Variants in OSBPL10 observed in about 807,000 individuals in gnomAD.
OSBPL10 encodes oxysterol binding protein like 10.
In OSBPL10, 49 loss-of-function variants were observed where a neutral mutation model predicts 81.7. That is an observed-to-expected ratio of 0.60 (90% confidence interval 0.48 to 0.76). The LOEUF (loss-of-function observed/expected upper bound fraction) is 0.76, where lower values mean the gene tolerates loss of function less well. Among genes scored for constraint, OSBPL10 ranks in the 30% least tolerant of loss-of-function variants. The probability of loss-of-function intolerance (pLI) is 0.00; values close to 1 mark genes in which losing one functional copy is unlikely to be tolerated. For missense variants in OSBPL10, 923 were observed against 987.8 expected (o/e 0.93, Z 0.88); for synonymous variants, 419 against 383.6 (o/e 1.09, Z -1.08).
At chr3:32,020,599 C>T (rs939016685) in intron 2 of OSBPL10, among the ~76,000 whole-genome samples, 9 of 151,776 alleles carry the variant, frequency 5.9e-5, no homozygotes, top group African/African-American at 2.2e-4. Context: ...TGAGTAATTG[C>T]GTACAAGTCT....
At chr3:31,662,593 A>C (rs1482443221) in intron 11 of OSBPL10, 1 of 995,388 alleles carries the variant, frequency 1.0e-6, no homozygotes, top group Non-Finnish European at 1.2e-6. Context: ...ATATCAAGTG[A>C]GAAAAAGGCA....
chr3:31,762,630 A>ATTTTTTTGTTTTTTTTT (rs1698080971), intron 4 of OSBPL10, among the ~76,000 whole-genome samples: 1 of 61,514 alleles, frequency 1.6e-5, no homozygotes, highest in Non-Finnish European at 2.7e-5. Flanking sequence ...CATGCCCAGC[A>ATTTTTTTGTTTTTTTTT]TTTTTTTTTT....
intron 1 of OSBPL10, among the ~76,000 whole-genome samples, chr3:31,916,938 T>C (rs1696772848): frequency 6.6e-6 from 1 of 152,250 alleles, no homozygotes; most frequent in Admixed American, 6.5e-5. Context: ...TATTAAGATA[T>C]GCAGACTAAA....
intron 4 of OSBPL10, among the ~76,000 whole-genome samples, chr3:31,811,513 A>G (rs1286254593): frequency 2.0e-5 from 3 of 152,226 alleles, no homozygotes; most frequent in South Asian, 2.1e-4. Flanking sequence ...CCTCAAAGAA[A>G]GGAGTGTTGA....
intron 1 of OSBPL10, among the ~76,000 whole-genome samples, chr3:31,915,925 C>A (rs1284967709): frequency 2.6e-5 from 4 of 151,796 alleles, no homozygotes; most frequent in African/African-American, 9.7e-5. Flanking sequence ...GAAACCCCGT[C>A]TCTACTAAAA....
chr3:31,850,258 C>T (rs1402042424), intron 3 of OSBPL10, among the ~76,000 whole-genome samples: 1 of 152,050 alleles, frequency 6.6e-6, no homozygotes, highest in African/African-American at 2.4e-5. Flanking sequence ...CTCTTAAGCC[C>T]AGGAGTTTGA....
chr3:31,762,159 T>C (rs1178056395), intron 4 of OSBPL10, among the ~76,000 whole-genome samples: 1 of 152,166 alleles, frequency 6.6e-6, no homozygotes, highest in Non-Finnish European at 1.5e-5. Flanking sequence ...TAGAAGCCTC[T>C]TCCCACCTTC....
chr3:31,717,736 A>G lies in OSBPL10; in HGVS notation c.1096-15228T>C, dbSNP rs769608815. On this transcript the variant is annotated intron_variant, in intron 6 of 11. Coordinates refer to ENST00000396556, the MANE Select transcript of OSBPL10 (RefSeq NM_017784.5). ...CCCTGTACTTTTACTCAAATGTGAA[A>G]TGATACTCAGGATGTAAGAGGGTAA... Among the ~76,000 whole-genome samples the G allele has an allele frequency of 2.0e-5, 3 of 152,236 alleles. No individual in the cohort carries two copies. The South Asian group carries it at 6.2e-4, about 31-fold the overall frequency.
intron 3 of OSBPL10, among the ~76,000 whole-genome samples, chr3:31,866,590 G>A (rs188583421): frequency 6.6e-6 from 1 of 152,288 alleles, no homozygotes; most frequent in East Asian, 1.9e-4. Flanking sequence ...GCCCCTACAT[G>A]CTTGGGGAGT....
intron 1 of OSBPL10, among the ~76,000 whole-genome samples, chr3:31,931,287 C>T (rs34506935): frequency 0.13 from 19,176 of 152,106 alleles, 1,509 homozygotes; most frequent in Non-Finnish European, 0.18. Flanking sequence ...ACACTCCCCA[C>T]TCTCCACCCC....
intron 2 of OSBPL10, 173 bp downstream of exon 2, chr3:31,879,482 C>T: frequency 1.6e-6 from 1 of 624,362 alleles, no homozygotes; most frequent in East Asian, 3.0e-5. Context: ...TTCCTAATGT[C>T]AGCTCCATCT....
At chr3:31,687,923 T>TAATAATAATAATAAG (rs1559416403) in intron 7 of OSBPL10, among the ~76,000 whole-genome samples, 1 of 140,638 alleles carries the variant, frequency 7.1e-6, no homozygotes, top group African/African-American at 2.6e-5. Flanking sequence ...ATAATAATAA[T>TAATAATAATAATAAG]AATTTTTTTA....
In OSBPL10 at chr3:31,702,274, C is replaced by T. The variant is rs537480395; in HGVS notation, c.1245+85G>A. 1.9e-4 allele frequency: 287 copies of T among 1,479,678 alleles called. No homozygotes were observed. The African/African-American group carries it at 3.1e-3, about 16-fold the overall frequency. 91.7% of individuals were successfully genotyped at this position (1,479,678 alleles called of 1,614,324 possible). A position where few individuals can be genotyped will look rare whatever the true frequency, so the allele number is the denominator to read the frequency against. ...CTCTTCTTCTCCAATCTCACCACAACGAAAAGAATGTGCATAGAGAAGGCT... is the reference window on the plus strand; with the variant it reads ...CTCTTCTTCTCCAATCTCACCACAATGAAAAGAATGTGCATAGAGAAGGCT... On this transcript the variant is annotated intron_variant, in intron 7 of 11. Coordinates refer to ENST00000396556, the MANE Select transcript of OSBPL10 (RefSeq NM_017784.5).
intron 1 of OSBPL10, among the ~76,000 whole-genome samples, chr3:31,886,979 C>T (rs1322340097): frequency 6.6e-6 from 1 of 151,946 alleles, no homozygotes; most frequent in African/African-American, 2.4e-5. Flanking sequence ...GGGATAGTTA[C>T]TACCTGACTC....
intron 1 of OSBPL10, among the ~76,000 whole-genome samples, chr3:32,070,316 T>G (rs1450596728): frequency 2.6e-5 from 4 of 152,154 alleles, no homozygotes; most frequent in African/African-American, 9.7e-5. Flanking sequence ...CAACATTCTT[T>G]TATGCACTCT....
chr3:32,057,434 C>T (rs1022994236), intron 1 of OSBPL10, among the ~76,000 whole-genome samples: 5 of 152,088 alleles, frequency 3.3e-5, no homozygotes, highest in African/African-American at 1.2e-4. Flanking sequence ...TTGCCTGAGA[C>T]TGGGTAATTT....
At chr3:31,753,514 C>T (rs187922367) in intron 4 of OSBPL10, among the ~76,000 whole-genome samples, 136 of 152,212 alleles carry the variant, frequency 8.9e-4, no homozygotes, top group Non-Finnish European at 6.8e-4. Context: ...CAAAACCACA[C>T]ACACACACAA....
intron 4 of OSBPL10, among the ~76,000 whole-genome samples, chr3:31,793,455 G>A (rs963852052): frequency 3.3e-5 from 5 of 152,230 alleles, no homozygotes; most frequent in Admixed American, 1.3e-4. Flanking sequence ...GTAAGTGTCT[G>A]ATAATGTAAC....
At chr3:31,916,806 T>A (rs1457743382) in intron 1 of OSBPL10, among the ~76,000 whole-genome samples, 2 of 152,248 alleles carry the variant, frequency 1.3e-5, no homozygotes, top group Non-Finnish European at 2.9e-5. Context: ...GGTTTTAACA[T>A]TCTTGCCAAA....
Sources: gnomAD v4.1 joint callset for allele counts (sites outside exome capture counted in the v4.1 genomes callset) on GRCh38, gnomAD v4.1.1 for gene constraint, MANE v1.5 for transcripts, NCBI Gene and HGNC (gene_info 2026-07-23, HGNC 2026-07-21) for gene names.